Variants in VTA1 observed in about 807,000 individuals in gnomAD.
The protein encoded by VTA1 is vesicle trafficking 1, also known as vacuolar protein sorting-associated protein VTA1 homolog.
VTA1 carries 24 observed loss-of-function variants against 36.9 expected under a neutral mutation model. The ratio of observed to expected loss-of-function variants is 0.65; its 90% CI spans 0.47 to 0.91. The LOEUF (loss-of-function observed/expected upper bound fraction) is 0.91. Among genes scored for constraint, VTA1 ranks in the 40% least tolerant of loss-of-function variants. The probability of loss-of-function intolerance (pLI) is 0.00; values close to 1 mark genes in which losing one functional copy is unlikely to be tolerated. For synonymous variants in VTA1, 142 were observed against 130.2 expected, an observed-to-expected ratio of 1.09 and a Z score of -0.62; for missense variants, 393 against 377.2, an observed-to-expected ratio of 1.04 and a Z score of -0.35.
chr6:142,148,263 C>T (rs1778495981), intron 1 of VTA1, among the ~76,000 whole-genome samples: 1 of 152,178 alleles, frequency 6.6e-6, no homozygotes, highest in Admixed American at 6.5e-5. Context: ...AATCTGGTCA[C>T]TGTTATCTCT....
chr6:142,187,897 A>T (rs1247557544), intron 4 of VTA1, among the ~76,000 whole-genome samples: 1 of 150,254 alleles, frequency 6.7e-6, no homozygotes, highest in Non-Finnish European at 1.5e-5. Context: ...ATCTTTGCAA[A>T]AGGATACTTT....
At chr6:142,204,957 C>T (rs1775761586) in intron 7 of VTA1, among the ~76,000 whole-genome samples, 1 of 152,064 alleles carries the variant, frequency 6.6e-6, no homozygotes, top group African/African-American at 2.4e-5. Flanking sequence ...ATCTCTTGAC[C>T]TCATAATCCG....
At chr6:142,165,261 G>A (rs750221494) in intron 1 of VTA1, among the ~76,000 whole-genome samples, 6 of 152,034 alleles carry the variant, frequency 3.9e-5, no homozygotes, top group South Asian at 2.1e-4. Context: ...TATATGTTGC[G>A]GATACAATGG....
intron 4 of VTA1, among the ~76,000 whole-genome samples, chr6:142,181,455 T>TTTTATATA (rs893322058): frequency 1.4e-4 from 20 of 143,652 alleles, no homozygotes; most frequent in Admixed American, 4.2e-4. Flanking sequence ...TTTTTATATT[T>TTTTATATA]TATATATATA....
chr6:142,155,698 C>T (rs1029477485), intron 1 of VTA1, among the ~76,000 whole-genome samples: 2 of 152,134 alleles, frequency 1.3e-5, no homozygotes, highest in African/African-American at 4.8e-5. Flanking sequence ...AGCCTTTTAA[C>T]ATTCTACTTT....
At chr6:142,182,643 C>G (rs1393717962) in intron 4 of VTA1, among the ~76,000 whole-genome samples, 1 of 152,068 alleles carries the variant, frequency 6.6e-6, no homozygotes, top group Non-Finnish European at 1.5e-5. Flanking sequence ...GACCTGACAA[C>G]TATAAGATTT....
intron 7 of VTA1, among the ~76,000 whole-genome samples, chr6:142,217,780 C>G (rs1447024000): frequency 6.6e-6 from 1 of 151,596 alleles, no homozygotes; most frequent in Non-Finnish European, 1.5e-5. Flanking sequence ...ATACAATGTC[C>G]ATTTTTAATT....
chr6:142,149,621 T>C (rs1228541389), intron 1 of VTA1, among the ~76,000 whole-genome samples: 3 of 152,246 alleles, frequency 2.0e-5, no homozygotes, highest in Admixed American at 6.5e-5. Context: ...TCCTTTGTTA[T>C]ATGTGTTGTA....
At chr6:142,185,616 T>A (rs1775324443) in intron 4 of VTA1, among the ~76,000 whole-genome samples, 1 of 152,182 alleles carries the variant, frequency 6.6e-6, no homozygotes, top group South Asian at 2.1e-4. Context: ...AAAAATAATC[T>A]GGAAAAGTCA....
intron 6 of VTA1, among the ~76,000 whole-genome samples, chr6:142,200,675 T>C (rs1040308824): frequency 5.3e-5 from 8 of 152,006 alleles, no homozygotes; most frequent in Non-Finnish European, 8.8e-5. Context: ...AGAATATTCA[T>C]GACATAAAGA....
chr6:142,147,793 A>G (rs1156885671), intron 1 of VTA1, among the ~76,000 whole-genome samples: 2 of 152,232 alleles, frequency 1.3e-5, no homozygotes, highest in Non-Finnish European at 2.9e-5. Flanking sequence ...AAAGGACGAT[A>G]GACTAGTTGA....
At chr6:142,152,921 G>C (rs1177787207) in intron 1 of VTA1, among the ~76,000 whole-genome samples, 1 of 152,030 alleles carries the variant, frequency 6.6e-6, no homozygotes, top group East Asian at 1.9e-4. Flanking sequence ...CCCTCTGCCA[G>C]GAATCCTTCT....
At chr6:142,214,939 A>G (rs1269645708) in intron 7 of VTA1, among the ~76,000 whole-genome samples, 2 of 152,180 alleles carry the variant, frequency 1.3e-5, no homozygotes, top group South Asian at 2.1e-4. Flanking sequence ...TTTCTGCTAC[A>G]TATTTCTCCT....
chr6:142,198,257 T>A (rs1417710008), intron 5 of VTA1, among the ~76,000 whole-genome samples, 182 bp from the exon 6 acceptor site: 1 of 151,828 alleles, frequency 6.6e-6, no homozygotes, highest in Non-Finnish European at 1.5e-5. Context: ...CAGGTACAAT[T>A]ACATTTTTTA....
chr6:142,218,198 C>T (rs540214330), intron 7 of VTA1, among the ~76,000 whole-genome samples: 3 of 151,986 alleles, frequency 2.0e-5, no homozygotes, highest in Non-Finnish European at 2.9e-5. Context: ...AAGAGAGAGG[C>T]TAAGTGATTT....
At chr6:142,206,753 G>A (rs1172755259) in intron 7 of VTA1, among the ~76,000 whole-genome samples, 4 of 152,110 alleles carry the variant, frequency 2.6e-5, no homozygotes, top group East Asian at 1.9e-4. Flanking sequence ...CAGACAAATA[G>A]ATCAGTGAGA....
At chr6:142,202,231 T>G (rs1436161269) in intron 6 of VTA1, among the ~76,000 whole-genome samples, 3 of 151,934 alleles carry the variant, frequency 2.0e-5, no homozygotes, top group African/African-American at 7.2e-5. Flanking sequence ...ATGTTTATAA[T>G]TTAAATATAT....
In VTA1 at chr6:142,184,345, CTTCAT is replaced by C. The variant is rs544029889; in HGVS notation, c.412-5080_412-5076del. 7.0e-3 allele frequency among the ~76,000 whole-genome samples: 1,065 copies of C among 152,242 alleles called. 15 individuals are homozygous for C. The highest frequency in any genetic ancestry group is 0.024 in the African/African-American group (1,015 of 41,550). ...TTACTTTACTTTTGTAATGACATTT[CTTCAT>C]CTCTAAAATGATAAGATTATAGAAT... On this transcript the variant is annotated intron_variant, in intron 4 of 7. Coordinates refer to ENST00000367630, the MANE Select transcript of VTA1 (RefSeq NM_016485.5).
chr6:142,205,337 G>A (rs1562269144), intron 7 of VTA1, among the ~76,000 whole-genome samples: 1 of 151,756 alleles, frequency 6.6e-6, no homozygotes, highest in Non-Finnish European at 1.5e-5. Context: ...TTCCTTCTGT[G>A]TTACTTTATC....
Sources: gnomAD v4.1 joint callset for allele counts (sites outside exome capture counted in the v4.1 genomes callset) on GRCh38, gnomAD v4.1.1 for gene constraint, MANE v1.5 for transcripts, NCBI Gene and HGNC (gene_info 2026-07-23, HGNC 2026-07-21) for gene names.